ARHGAP35: variants seen among roughly 807,000 people sequenced by gnomAD.
ARHGAP35 encodes the protein Rho GTPase activating protein 35.
ARHGAP35 carries 15 observed loss-of-function variants against 111.1 expected under a neutral mutation model. The observed-to-expected ratio is 0.13, with a 90% CI of 0.09 to 0.21. The LOEUF (loss-of-function observed/expected upper bound fraction) is 0.21. Among genes scored for constraint, ARHGAP35 ranks in the 10% least tolerant of loss-of-function variants. ARHGAP35 has a pLI of 1.00. For synonymous variants in ARHGAP35, 643 were observed against 710.3 expected, an observed-to-expected ratio of 0.91 and a Z score of 1.51; for missense variants, 1,262 against 1,873.0, an observed-to-expected ratio of 0.67 and a Z score of 6.02.
intron 1 of ARHGAP35, among the ~76,000 whole-genome samples, chr19:46,910,766 T>C (rs1419109723): frequency 2.6e-5 from 4 of 152,000 alleles, no homozygotes; most frequent in African/African-American, 9.7e-5. Flanking sequence ...ATTTTTTGTA[T>C]TTTTTGTAGA....
intron 3 of ARHGAP35, among the ~76,000 whole-genome samples, chr19:46,984,858 G>C (rs1040706540): frequency 6.6e-6 from 1 of 152,200 alleles, no homozygotes; most frequent in East Asian, 1.9e-4. Flanking sequence ...GCCGGGGCCG[G>C]TGGCCATTAT....
chr19:46,863,401 C>G (rs1282820271), intron 1 of ARHGAP35, among the ~76,000 whole-genome samples: 1 of 152,192 alleles, frequency 6.6e-6, no homozygotes, highest in Non-Finnish European at 1.5e-5. Flanking sequence ...CCCACTTCCA[C>G]TAGGTTAGTA....
At position 46,919,906 on chromosome 19, in the gene ARHGAP35, C is replaced by T. The variant is rs1244654656; in HGVS notation, c.1231C>T (p.Pro411Ser). 1.2e-6 allele frequency: 2 copies of T among 1,613,782 alleles called. No individual in the cohort carries two copies. The highest frequency in any genetic ancestry group is 8.5e-7 in the Non-Finnish European group (1 of 1,179,898). The change falls in exon 2 of 7, where the codon CCT (proline) becomes TCT (serine). Residue 411 changes from proline (P) to serine (S), a missense_variant. By Grantham distance (74) the Pro-to-Ser change is moderately conservative (BLOSUM62 -1). Around this residue, in one of 8 missense-constraint regions of ARHGAP35, gnomAD observed 328 missense variants for 440.8 expected, o/e 0.74. Coordinates refer to ENST00000672722, the MANE Select transcript of ARHGAP35 (RefSeq NM_004491.5). The surrounding 1 kb of genome is among the most constrained non-coding windows in gnomAD (Gnocchi z 6.2). ...RIPFDLMDTV[P>S]AEQLYEAHLE... ...TCCCTTTGATTTAATGGATACCGTC[C>T]CTGCAGAGCAGCTATACGAGGCCCA...
chr19:46,958,637 ACCGCTT>A (rs2056457001), intron 3 of ARHGAP35, among the ~76,000 whole-genome samples: 1 of 152,118 alleles, frequency 6.6e-6, no homozygotes, highest in African/African-American at 2.4e-5. Flanking sequence ...TCGTTGATTG[ACCGCTT>A]CCTGCACATT....
rs1255793495 is a variant in ARHGAP35 at position 46,880,354 on chromosome 19, C to T, written c.-189+19145C>T. Among the ~76,000 whole-genome samples the T allele has an allele frequency of 3.3e-5, 5 of 151,834 alleles. 1 individual carries two copies. The highest frequency in any genetic ancestry group is 4.2e-4 in the South Asian group (2 of 4,802). ...GGCTGAGGCAGGAGAATCGCTTGAA[C>T]CCAGGAGGCGGAAGTTGCAGTGAGC... On this transcript the variant is annotated intron_variant, in intron 1 of 6. Transcript: ENST00000672722.
chr19:46,902,313 A>C (rs1006565873), intron 1 of ARHGAP35, among the ~76,000 whole-genome samples: 6 of 152,184 alleles, frequency 3.9e-5, no homozygotes, highest in Admixed American at 2.6e-4. Flanking sequence ...GGAATGATAC[A>C]GGTTTATGGC....
chr19:46,877,896 C>T (rs371150422), intron 1 of ARHGAP35, among the ~76,000 whole-genome samples: 45 of 151,862 alleles, frequency 3.0e-4, no homozygotes, highest in African/African-American at 1.0e-3. Flanking sequence ...TTAGTAGAGA[C>T]GGGGTTTCAT....
intron 3 of ARHGAP35, among the ~76,000 whole-genome samples, chr19:46,954,605 T>G (rs1314821865): frequency 6.6e-6 from 1 of 152,248 alleles, no homozygotes; most frequent in African/African-American, 2.4e-5. Context: ...ATCCCACTTT[T>G]TCAAACAAAG....
At chr19:46,868,015 C>A (rs1249367800) in intron 1 of ARHGAP35, among the ~76,000 whole-genome samples, 1 of 152,080 alleles carries the variant, frequency 6.6e-6, no homozygotes. Context: ...TACAGGCGCA[C>A]GCCCACCATG....
In ARHGAP35 at chr19:46,919,584, A is replaced by C. The variant is rs764383715; in HGVS notation, c.909A>C (p.Pro303=). Residue 303 remains proline (P), a synonymous_variant, in exon 2 of 7, where the codon CCA becomes CCC. Transcript: ENST00000672722. This position sits in a 1 kb window ranked among gnomAD's most constrained non-coding sequence, Gnocchi z 6.2. ...TCAGCCGAAAGATGCAGGCCTCTCC[A>C]GAATACCAGGACTATGTCTACCTGG... ...LSVSRKMQAS[P]EYQDYVYLEG... 6.2e-7 allele frequency: 1 copy of C among 1,613,972 alleles called. No individual in the cohort carries two copies.
intron 3 of ARHGAP35, among the ~76,000 whole-genome samples, chr19:46,959,824 G>A (rs2056466584): frequency 6.6e-6 from 1 of 152,126 alleles, no homozygotes; most frequent in Non-Finnish European, 1.5e-5. Flanking sequence ...GTGCGAGTGT[G>A]GTGGCTCCAG....
rs8109747 is a variant in ARHGAP35 at position 46,908,967 on chromosome 19, T to C, written c.-188-9521T>C. Among the ~76,000 whole-genome samples, 79,458 of 151,864 alleles carry C rather than the reference T, an allele frequency of 0.52. 21,375 individuals are homozygous for C. Among genetic ancestry groups the C allele is most frequent in the Middle Eastern group, 0.7 (207 of 294 alleles). On this transcript the variant is annotated intron_variant, in intron 1 of 6. Transcript: ENST00000672722. The surrounding 1 kb of genome is among the most constrained non-coding windows in gnomAD (Gnocchi z 4.2). Reference sequence around the variant, plus strand: ...AGGGGACATTTGCAAAAATTATAAATGGAATGTCAGAGAATCTTTCATAGC... The same window carrying C: ...AGGGGACATTTGCAAAAATTATAAACGGAATGTCAGAGAATCTTTCATAGC...
Position 46,945,317 on chromosome 19 carries a change from AGTGTG to A in ARHGAP35, c.3826+7911_3826+7915del. ...TGGAGTCACTGCTCCCTTCTGCAGC[AGTGTG>A]GCTCCTAATGACAGAGAACATTGGC... is the stretch of plus-strand genomic sequence containing the variant. On this transcript the variant is annotated intron_variant, in intron 3 of 6. Coordinates refer to ENST00000672722, the MANE Select transcript of ARHGAP35 (RefSeq NM_004491.5). The surrounding 1 kb of genome is among the most constrained non-coding windows in gnomAD (Gnocchi z 4.1). 2.0e-5 allele frequency among the ~76,000 whole-genome samples: 3 copies of A among 152,330 alleles called. No individual in the cohort carries two copies. Among genetic ancestry groups the A allele is most frequent in the Admixed American group, 2.0e-4 (3 of 15,300 alleles).
intron 2 of ARHGAP35, among the ~76,000 whole-genome samples, chr19:46,934,009 T>G (rs2056288947): frequency 6.6e-6 from 1 of 152,132 alleles, no homozygotes; most frequent in African/African-American, 2.4e-5. Flanking sequence ...GGCTTTAAGG[T>G]GATTAGGAAT....
intron 1 of ARHGAP35, among the ~76,000 whole-genome samples, chr19:46,896,882 G>T (rs1050862236): frequency 6.6e-6 from 1 of 151,972 alleles, no homozygotes; most frequent in African/African-American, 2.4e-5. Flanking sequence ...TATCTACTGG[G>T]CATGTTGTCT....
intron 3 of ARHGAP35, among the ~76,000 whole-genome samples, chr19:46,949,348 G>A (rs941779561): frequency 2.0e-5 from 3 of 151,956 alleles, no homozygotes; most frequent in African/African-American, 7.3e-5. Flanking sequence ...GTTACAAAGG[G>A]GGACCACACC....
chr19:46,970,999 C>T (rs541879168), intron 3 of ARHGAP35, among the ~76,000 whole-genome samples: 36 of 152,304 alleles, frequency 2.4e-4, no homozygotes, highest in African/African-American at 7.9e-4. Context: ...GTCATTGTCA[C>T]GTATACTCAC....
intron 3 of ARHGAP35, among the ~76,000 whole-genome samples, chr19:46,958,248 G>C (rs948425037): frequency 1.3e-5 from 2 of 152,084 alleles, no homozygotes; most frequent in African/African-American, 4.8e-5. Context: ...GCCGGGCATG[G>C]TGGCGGGCGC....
At chr19:46,942,815 CAGAAAAA>C (rs1462221153) in intron 3 of ARHGAP35, among the ~76,000 whole-genome samples, 8 of 42,258 alleles carry the variant, frequency 1.9e-4, no homozygotes, top group Admixed American at 1.3e-3. Context: ...GACCCTGTCT[CAGAAAAA>C]AAAAAAAAAA....
Sources: allele counts gnomAD v4.1 joint callset (sites outside exome capture counted in the v4.1 genomes callset), GRCh38; gene constraint gnomAD v4.1.1; regional missense constraint gnomAD v4.1.1; non-coding constraint Gnocchi (gnomAD v3.1); transcripts MANE v1.5; gene names NCBI Gene and HGNC (gene_info 2026-07-23, HGNC 2026-07-21).